The following BACH2 variants were observed in gnomAD, a reference collection of about 807,000 sequenced individuals.
BACH2 encodes transcription regulator protein BACH2.
BACH2 carries 5 observed loss-of-function variants against 61.8 expected under a neutral mutation model. That is an observed-to-expected ratio of 0.08 (90% confidence interval 0.04 to 0.17). The LOEUF (loss-of-function observed/expected upper bound fraction) is 0.17. Among genes scored for constraint, BACH2 ranks in the 10% least tolerant of loss-of-function variants. The pLI is 1.00. For synonymous variants in BACH2, 446 were observed against 440.1 expected, an observed-to-expected ratio of 1.01 and a Z score of -0.17; for missense variants, 824 against 1,091.1, an observed-to-expected ratio of 0.76 and a Z score of 3.45.
intron 6 of BACH2, chr6:89,952,804 C>T (rs528171046): frequency 2.0e-5 from 3 of 152,224 alleles, no homozygotes; most frequent in African/African-American, 4.8e-5. Flanking sequence ...TGTGCCCACA[C>T]GCATGCCTGC....
chr6:90,105,294 G>T (rs967524487), intron 4 of BACH2, among the ~76,000 whole-genome samples: 1 of 152,226 alleles, frequency 6.6e-6, no homozygotes, highest in Non-Finnish European at 1.5e-5. Flanking sequence ...CTGTGCTGAA[G>T]ACAGCTTAGC....
At chr6:89,983,210 C>T (rs912371937) in intron 6 of BACH2, among the ~76,000 whole-genome samples, 1 of 152,248 alleles carries the variant, frequency 6.6e-6, no homozygotes. Flanking sequence ...AATAGGACAT[C>T]ATCCTTGCTT....
At chr6:89,933,501 G>A (rs967644323) in intron 8 of BACH2, among the ~76,000 whole-genome samples, 12 of 152,054 alleles carry the variant, frequency 7.9e-5, no homozygotes, top group African/African-American at 2.9e-4. Flanking sequence ...GTGCAACACC[G>A]AGAGTGAACT....
At chr6:90,295,272 G>C (rs572487006) in intron 1 of BACH2, among the ~76,000 whole-genome samples, 3 of 152,222 alleles carry the variant, frequency 2.0e-5, no homozygotes, top group African/African-American at 7.2e-5. Flanking sequence ...CTTCCCTCAA[G>C]TTACCAAACT....
Position 90,231,985 on chromosome 6 carries a change from CAGAGAGAGAG to C in BACH2, c.-275+20518_-275+20527del, listed in dbSNP as rs542457957. Among the ~76,000 whole-genome samples, 274 of 149,354 alleles carry C rather than the reference CAGAGAGAGAG, an allele frequency of 1.8e-3. 2 individuals carry two copies. Among genetic ancestry groups the C allele is most frequent in the African/African-American group, 6.2e-3 (255 of 41,114 alleles). ...ATATATTTGGTCTGAGAGAGAGAGA[CAGAGAGAGAG>C]AGAGAGAGAGAGAGAGAGAAGCCCA... On this transcript the variant is annotated intron_variant, in intron 3 of 8. Transcript: ENST00000257749.
chr6:90,011,584 G>T (rs1235594726), intron 5 of BACH2, among the ~76,000 whole-genome samples: 1 of 152,152 alleles, frequency 6.6e-6, no homozygotes, highest in Non-Finnish European at 1.5e-5. Context: ...GCAGTGGCAT[G>T]GCCATAGCTC....
At chr6:90,058,481 A>T (rs2127797442) in intron 5 of BACH2, among the ~76,000 whole-genome samples, 1 of 152,344 alleles carries the variant, frequency 6.6e-6, no homozygotes, top group Non-Finnish European at 1.5e-5. Context: ...AGAGGATATA[A>T]ACAAATGGAA....
chr6:89,998,641 T>A (rs1776977867), intron 6 of BACH2, among the ~76,000 whole-genome samples: 1 of 152,138 alleles, frequency 6.6e-6, no homozygotes, highest in Non-Finnish European at 1.5e-5. Flanking sequence ...GTGCCCACAA[T>A]TTTATTCTAT....
At chr6:89,955,381 A>G (rs1774368860) in intron 6 of BACH2, among the ~76,000 whole-genome samples, 1 of 152,254 alleles carries the variant, frequency 6.6e-6, no homozygotes, top group African/African-American at 2.4e-5. Flanking sequence ...TTGCAAGATT[A>G]TATGAGTAGT....
At position 89,929,183 on chromosome 6, in the gene BACH2, C is replaced by T. The variant is rs923810506; in HGVS notation, c.*3225G>A. The stretch of plus-strand genomic sequence containing the variant: ...CAAGCAGGCATCCTCCTAAACAGCC[C>T]GTGGTTGGAGGGTCTCTTATTTTTG... On this transcript the variant is annotated 3_prime_UTR_variant, in exon 9 of 9. Transcript: ENST00000257749. 7 of 152,288 alleles carry T rather than the reference C, an allele frequency of 4.6e-5. No individual in the cohort carries two copies. The highest frequency in any genetic ancestry group is 8.8e-5 in the Non-Finnish European group (6 of 68,066). 9.4% of individuals were successfully genotyped at this position (152,288 alleles called of 1,614,324 possible).
intron 4 of BACH2, among the ~76,000 whole-genome samples, chr6:90,103,957 G>T (rs942152845): frequency 3.3e-5 from 5 of 152,178 alleles, no homozygotes; most frequent in African/African-American, 1.2e-4. Context: ...TTTTGTAGAT[G>T]CAGACAATGA....
chr6:90,175,828 T>C (rs1767966579), intron 4 of BACH2, among the ~76,000 whole-genome samples: 1 of 152,046 alleles, frequency 6.6e-6, no homozygotes, highest in Non-Finnish European at 1.5e-5. Flanking sequence ...AATTCACCAA[T>C]CTAGAGACAC....
chr6:90,146,046 T>C (rs1305398730), intron 4 of BACH2, among the ~76,000 whole-genome samples: 1 of 152,284 alleles, frequency 6.6e-6, no homozygotes, highest in Non-Finnish European at 1.5e-5. Flanking sequence ...CATTAAATTC[T>C]ATGTATAGAC....
intron 4 of BACH2, among the ~76,000 whole-genome samples, chr6:90,168,737 AACT>A (rs1767713366): frequency 6.6e-6 from 1 of 152,194 alleles, no homozygotes; most frequent in Non-Finnish European, 1.5e-5. Flanking sequence ...CATAAATGAA[AACT>A]ACTATTTCCT....
In BACH2 at chr6:89,926,733, A is replaced by T. The variant is rs995474768; in HGVS notation, c.*5675T>A. 1 of 152,686 alleles carries T rather than the reference A, an allele frequency of 6.5e-6. No homozygotes were observed. Among genetic ancestry groups the T allele is most frequent in the Non-Finnish European group, 1.5e-5 (1 of 68,042 alleles). The allele number at this position is 152,686 out of a possible 1,614,324, so 9.5% of individuals were successfully genotyped here. On this transcript the variant is annotated 3_prime_UTR_variant, in exon 9 of 9. Coordinates refer to ENST00000257749, the MANE Select transcript of BACH2 (RefSeq NM_021813.4). The stretch of plus-strand genomic sequence containing the variant: ...GTAAAAATTCTTAGTTACAGAGAAT[A>T]AGCATCAACAGCCTTTCATTTTTTA...
Position 89,963,894 on chromosome 6 carries a change from C to T in BACH2, c.244-12032G>A, listed in dbSNP as rs1429282220. Among the ~76,000 whole-genome samples the T allele has an allele frequency of 3.9e-5, 6 of 152,198 alleles. No homozygotes were observed. The East Asian group carries it at 1.2e-3, about 29-fold the overall frequency. On this transcript the variant is annotated intron_variant, in intron 6 of 8. Coordinates refer to ENST00000257749, the MANE Select transcript of BACH2 (RefSeq NM_021813.4). ...AGCCTTAAAAGGAAGAAAATCCTGT[C>T]ACGTGTTCTAACATGGATGAACCTT...
chr6:90,025,789 T>A (rs995724219), intron 5 of BACH2, among the ~76,000 whole-genome samples: 12 of 152,170 alleles, frequency 7.9e-5, no homozygotes, highest in African/African-American at 2.9e-4. Context: ...GAATAACAGA[T>A]CCATTTGACT....
chr6:90,291,834 C>T (rs1772189564), intron 1 of BACH2, among the ~76,000 whole-genome samples: 1 of 152,092 alleles, frequency 6.6e-6, no homozygotes, highest in South Asian at 2.1e-4. Flanking sequence ...CATATGTGGC[C>T]CCAGCTCTGC....
rs540060911 is a variant in BACH2 at position 89,941,984 on chromosome 6, C to T, written c.1837-3634G>A. ...AAAGTCCTTGAGACAAAAAGCCATA[C>T]AACACTTCAGCAGAGCTGCTGCAAC... On this transcript the variant is annotated intron_variant, in intron 7 of 8. Coordinates refer to ENST00000257749, the MANE Select transcript of BACH2 (RefSeq NM_021813.4). Among the ~76,000 whole-genome samples, 74 of 152,288 alleles carry T rather than the reference C, an allele frequency of 4.9e-4. 1 individual carries two copies. In the South Asian group the frequency reaches 5.2e-3, roughly 11 times the overall value.
Sources: allele counts gnomAD v4.1 joint callset (sites outside exome capture counted in the v4.1 genomes callset), GRCh38; gene constraint gnomAD v4.1.1; transcripts MANE v1.5; gene names NCBI Gene and HGNC (gene_info 2026-07-23, HGNC 2026-07-21).